The following RSRC1 variants were observed in gnomAD, a reference collection of about 807,000 sequenced individuals.
RSRC1 encodes the protein arginine and serine rich coiled-coil 1, also known as serine/Arginine-related protein 53.
A neutral mutation model predicts 49.1 loss-of-function variants in RSRC1; 39 were observed. The observed-to-expected ratio is 0.79, with a 90% CI of 0.61 to 1.04. The LOEUF is 1.04. RSRC1 is among the 50% of genes least tolerant of loss of function. The probability of loss-of-function intolerance (pLI) is 0.00; values close to 1 mark genes in which losing one functional copy is unlikely to be tolerated. For synonymous variants in RSRC1, 143 were observed against 130.8 expected (o/e 1.09, Z -0.63); for missense variants, 388 against 402.4 (o/e 0.96, Z 0.31).
At chr3:158,413,243 A>G (rs1267021567) in intron 6 of RSRC1, among the ~76,000 whole-genome samples, 4 of 152,184 alleles carry the variant, frequency 2.6e-5, no homozygotes, top group African/African-American at 4.8e-5. Context: ...TGGGGAAAGG[A>G]CTTCTTATTT....
At chr3:158,262,742 A>G (rs1330901138) in intron 4 of RSRC1, among the ~76,000 whole-genome samples, 6 of 152,008 alleles carry the variant, frequency 3.9e-5, no homozygotes, top group South Asian at 2.1e-4. Context: ...TTTTTCACCA[A>G]TATTTTGTAG....
chr3:158,171,178 A>G (rs1718860445), intron 3 of RSRC1, among the ~76,000 whole-genome samples: 1 of 152,208 alleles, frequency 6.6e-6, no homozygotes, highest in Non-Finnish European at 1.5e-5. Context: ...TGACATTGGA[A>G]CTACAACCCA....
At chr3:158,259,332 G>T (rs567342708) in intron 4 of RSRC1, among the ~76,000 whole-genome samples, 1 of 152,132 alleles carries the variant, frequency 6.6e-6, no homozygotes, top group Non-Finnish European at 1.5e-5. Flanking sequence ...TTGTAGCCTC[G>T]TAGAGATACT....
intron 7 of RSRC1, among the ~76,000 whole-genome samples, chr3:158,528,304 G>T (rs1712169551): frequency 6.6e-6 from 1 of 151,946 alleles, no homozygotes; most frequent in African/African-American, 2.4e-5. Flanking sequence ...AGGTGGTTAT[G>T]ATGAAAGTTT....
At chr3:158,330,207 T>C (rs1050519838) in intron 5 of RSRC1, among the ~76,000 whole-genome samples, 3 of 152,196 alleles carry the variant, frequency 2.0e-5, no homozygotes, top group African/African-American at 7.2e-5. Context: ...CTCGCCCTGC[T>C]TCAGCTCACA....
intron 4 of RSRC1, among the ~76,000 whole-genome samples, chr3:158,293,320 G>C (rs1727049533): frequency 6.6e-6 from 1 of 151,976 alleles, no homozygotes; most frequent in Non-Finnish European, 1.5e-5. Context: ...ATGTATGTAT[G>C]TATGGGAGTA....
intron 3 of RSRC1, among the ~76,000 whole-genome samples, chr3:158,187,105 G>A (rs1035433729): frequency 6.6e-5 from 10 of 151,840 alleles, no homozygotes; most frequent in African/African-American, 1.2e-4. Context: ...TTGGCTCTGC[G>A]ACCTCTGAAC....
chr3:158,335,232 C>A (rs1360332345), intron 5 of RSRC1, among the ~76,000 whole-genome samples: 1 of 152,072 alleles, frequency 6.6e-6, no homozygotes, highest in Non-Finnish European at 1.5e-5. Context: ...ATACTGTATC[C>A]AACCAACCAA....
At chr3:158,111,376 T>G (rs1032245735) in intron 1 of RSRC1, among the ~76,000 whole-genome samples, 2 of 152,254 alleles carry the variant, frequency 1.3e-5, no homozygotes, top group Non-Finnish European at 2.9e-5. Context: ...TAATTGGCCT[T>G]GCCAACTCAA....
At chr3:158,173,837 G>A (rs1462859145) in intron 3 of RSRC1, among the ~76,000 whole-genome samples, 2 of 151,720 alleles carry the variant, frequency 1.3e-5, no homozygotes, top group Non-Finnish European at 2.9e-5. Flanking sequence ...TATGAGAAGT[G>A]AAAGAAGCCA....
intron 6 of RSRC1, among the ~76,000 whole-genome samples, chr3:158,419,988 C>A (rs1346655540): frequency 6.6e-6 from 1 of 151,760 alleles, no homozygotes; most frequent in Non-Finnish European, 1.5e-5. Flanking sequence ...TGCCTCCCTC[C>A]ACTCCTCCCT....
chr3:158,403,421 C>G (rs1322709176), intron 6 of RSRC1, among the ~76,000 whole-genome samples: 1 of 151,632 alleles, frequency 6.6e-6, no homozygotes, highest in African/African-American at 2.4e-5. Context: ...AAATTACTCT[C>G]CATAGTATAG....
intron 7 of RSRC1, among the ~76,000 whole-genome samples, chr3:158,512,514 G>A (rs1430831351): frequency 6.6e-6 from 1 of 152,208 alleles, no homozygotes; most frequent in African/African-American, 2.4e-5. Context: ...TTTGTTTACT[G>A]TAGCCTTATA....
intron 6 of RSRC1, among the ~76,000 whole-genome samples, chr3:158,392,060 A>G (rs1464364246): frequency 2.0e-5 from 3 of 152,152 alleles, no homozygotes; most frequent in African/African-American, 7.2e-5. Flanking sequence ...AAAGCAAACA[A>G]GTTTGTGAAA....
At chr3:158,495,638 C>T (rs1739288754) in intron 7 of RSRC1, among the ~76,000 whole-genome samples, 2 of 152,250 alleles carry the variant, frequency 1.3e-5, no homozygotes, top group Non-Finnish European at 2.9e-5. Context: ...CACACACTGC[C>T]CACAGTCACT....
chr3:158,127,756 GTTTTTT>G (rs34766107), intron 3 of RSRC1, among the ~76,000 whole-genome samples: 1 of 81,240 alleles, frequency 1.2e-5, no homozygotes, highest in East Asian at 3.9e-4. Flanking sequence ...CTGCTTTGTG[GTTTTTT>G]TTTTTTTTTT....
intron 4 of RSRC1, among the ~76,000 whole-genome samples, chr3:158,248,167 C>G (rs1348905805): frequency 6.6e-6 from 1 of 152,168 alleles, no homozygotes; most frequent in African/African-American, 2.4e-5. Context: ...GCCCTATACC[C>G]CAGCTTCAGG....
intron 6 of RSRC1, among the ~76,000 whole-genome samples, chr3:158,368,827 T>C (rs1189649850): frequency 6.6e-6 from 1 of 152,184 alleles, no homozygotes; most frequent in Non-Finnish European, 1.5e-5. Context: ...TCTGTACTGA[T>C]AGTCAACCTT....
chr3:158,358,953 A>C lies in RSRC1; in HGVS notation c.583+4045A>C, dbSNP rs73170331. Among the ~76,000 whole-genome samples the C allele has an allele frequency of 9.4e-4, 136 of 144,298 alleles. No homozygotes were observed. The South Asian group carries it at 0.012, about 13-fold the overall frequency. The allele number at this position is 144,298 out of a possible 152,430, so 94.7% of individuals were successfully genotyped here. On this transcript the variant is annotated intron_variant, in intron 6 of 9. Transcript: ENST00000611884. Reference sequence around the variant, plus strand: ...ACACACACACACACACACACACACAACTTATTAATCCATTGATAAAATTTG... The same window carrying C: ...ACACACACACACACACACACACACACCTTATTAATCCATTGATAAAATTTG...
Sources: gnomAD v4.1 joint callset for allele counts (sites outside exome capture counted in the v4.1 genomes callset) on GRCh38, gnomAD v4.1.1 for gene constraint, MANE v1.5 for transcripts, NCBI Gene and HGNC (gene_info 2026-07-23, HGNC 2026-07-21) for gene names.